Variants in SYNGR1 observed in about 807,000 individuals in gnomAD.
SYNGR1 encodes the protein synaptogyrin 1.
Under a neutral mutation model 26.1 loss-of-function variants are expected in SYNGR1, and 14 were observed. The ratio of observed to expected loss-of-function variants is 0.54; its 90% CI spans 0.35 to 0.84. The LOEUF is 0.84. Among genes scored for constraint, SYNGR1 ranks in the 40% least tolerant of loss-of-function variants. The probability of loss-of-function intolerance (pLI) is 0.01; values close to 1 mark genes in which losing one functional copy is unlikely to be tolerated. For synonymous variants in SYNGR1, 141 were observed against 150.1 expected (o/e 0.94, Z 0.44); for missense variants, 319 against 332.9 (o/e 0.96, Z 0.33).
At chr22:39,377,540 C>T (rs1062696) in intron 3 of SYNGR1, 2 of 1,593,044 alleles carry the variant, frequency 1.3e-6, no homozygotes, top group Non-Finnish European at 1.7e-6. Context: ...AGCCAGCCTC[C>T]CTCCTGGCAC....
At chr22:39,361,991 G>C (rs1198308009) in intron 1 of SYNGR1, among the ~76,000 whole-genome samples, 2 of 149,434 alleles carry the variant, frequency 1.3e-5, no homozygotes, top group Admixed American at 6.7e-5. Flanking sequence ...GCCCTCTCTG[G>C]GTCTTTGTTT....
intron 3 of SYNGR1, chr22:39,377,995 A>G (rs1925362795): frequency 8.1e-7 from 1 of 1,230,402 alleles, no homozygotes; most frequent in Non-Finnish European, 1.0e-6. Flanking sequence ...AAACACATCA[A>G]TATCTCTTCC....
At chr22:39,377,044 C>A (rs1397543436) in intron 3 of SYNGR1, 5 of 1,550,896 alleles carry the variant, frequency 3.2e-6, no homozygotes, top group Middle Eastern at 1.7e-4. Context: ...CTCCATAGCC[C>A]CATCCCAAGA....
Position 39,350,839 on chromosome 22 carries a change from A to T in SYNGR1, c.99+730A>T, listed in dbSNP as rs574956920. Among the ~76,000 whole-genome samples the T allele has an allele frequency of 2.2e-4, 33 of 152,248 alleles. No individual in the cohort carries two copies. The highest frequency in any genetic ancestry group is 7.9e-4 in the African/African-American group (33 of 41,540). On this transcript the variant is annotated intron_variant, in intron 1 of 3. Transcript: ENST00000328933. This position sits in a 1 kb window ranked among gnomAD's most constrained non-coding sequence, Gnocchi z 4.3. ...CCCCCTTGGGCTCTGACATTTCATG[A>T]ACCGGTAACACCCCTCCCACTCAGC...
chr22:39,372,430 G>GC (rs1925069156), intron 1 of SYNGR1, among the ~76,000 whole-genome samples: 1 of 118,184 alleles, frequency 8.5e-6, no homozygotes, highest in African/African-American at 3.3e-5. Context: ...CATGCACCAC[G>GC]CCCAGCTCTT....
At chr22:39,374,101 G>T (rs920783598) in intron 1 of SYNGR1, among the ~76,000 whole-genome samples, 1 of 152,166 alleles carries the variant, frequency 6.6e-6, no homozygotes, top group African/African-American at 2.4e-5. Flanking sequence ...AGTGCCTGTG[G>T]CTGAGGAAGG....
Position 39,350,010 on chromosome 22 carries a change from G to A in SYNGR1, c.-1G>A, listed in dbSNP as rs1303792984. 1.6e-6 allele frequency: 2 copies of A among 1,289,990 alleles called. No homozygotes were observed. Among genetic ancestry groups the A allele is most frequent in the South Asian group, 3.6e-5 (2 of 55,636 alleles). 79.9% of individuals were successfully genotyped at this position (1,289,990 alleles called of 1,614,324 possible). ...GGGGGCACCGCGCGGGTGCAGCCACGATGGAAGGGGGTGCGTACGGAGCGG... is the reference window on the plus strand; with the variant it reads ...GGGGGCACCGCGCGGGTGCAGCCACAATGGAAGGGGGTGCGTACGGAGCGG... On this transcript the variant is annotated 5_prime_UTR_variant, in exon 1 of 4. Coordinates refer to ENST00000328933, the MANE Select transcript of SYNGR1 (RefSeq NM_004711.5). This position sits in a 1 kb window ranked among gnomAD's most constrained non-coding sequence, Gnocchi z 4.3.
rs1050440382 is a variant in SYNGR1, at chr22:39,352,999, C to T, written c.99+2890C>T. On this transcript the variant is annotated intron_variant, in intron 1 of 3. Transcript: ENST00000328933. ...GCCTCGGCCTCCCAAGTAGCTGGGA[C>T]TACAGGCACACACCACCACGCCCAG... Among the ~76,000 whole-genome samples the T allele has an allele frequency of 5.3e-5, 8 of 151,966 alleles. No individual in the cohort carries two copies. In the East Asian group the frequency reaches 9.6e-4, roughly 18 times the overall value.
At chr22:39,362,465 C>T (rs528363384) in intron 1 of SYNGR1, among the ~76,000 whole-genome samples, 1 of 152,176 alleles carries the variant, frequency 6.6e-6, no homozygotes, top group South Asian at 2.1e-4. Context: ...CCCACCTTTT[C>T]CCCAGAGTGA....
intron 3 of SYNGR1, chr22:39,377,522 C>T (rs1448785214): frequency 1.9e-6 from 3 of 1,573,108 alleles, no homozygotes; most frequent in African/African-American, 2.7e-5. Context: ...GCCTGCCCGG[C>T]CCCCTGAAGC....
intron 1 of SYNGR1, among the ~76,000 whole-genome samples, chr22:39,351,498 T>C (rs1377671339): frequency 6.6e-6 from 1 of 152,240 alleles, no homozygotes. Context: ...AATTCATTTA[T>C]CTGTGCCAGT....
intron 1 of SYNGR1, among the ~76,000 whole-genome samples, chr22:39,359,215 C>T (rs909511909): frequency 6.6e-5 from 10 of 151,938 alleles, no homozygotes; most frequent in Non-Finnish European, 1.5e-4. Flanking sequence ...CCTTCTGGTT[C>T]CTGAGGCCAC....
chr22:39,373,573 C>T (rs1429119267), intron 1 of SYNGR1, among the ~76,000 whole-genome samples: 1 of 152,182 alleles, frequency 6.6e-6, no homozygotes, highest in East Asian at 1.9e-4. Context: ...ACCTCCACCT[C>T]CTGGGCTCAA....
Position 39,350,161 on chromosome 22 carries a change from A to G in SYNGR1, c.99+52A>G, listed in dbSNP as rs1923831152. 1 of 1,297,696 alleles carries G rather than the reference A, an allele frequency of 7.7e-7. No individual in the cohort carries two copies. Among genetic ancestry groups the G allele is most frequent in the Non-Finnish European group, 1.0e-6 (1 of 994,902 alleles). 80.4% of individuals were successfully genotyped at this position (1,297,696 alleles called of 1,614,324 possible). ...GCCAGGCCGGGGTGGTGGGGGTGTG[A>G]GCAAAGGCGGCGCGCCCGGACCGAC... On this transcript the variant is annotated intron_variant, in intron 1 of 3. Transcript: ENST00000328933. This position sits in a 1 kb window ranked among gnomAD's most constrained non-coding sequence, Gnocchi z 4.3.
intron 1 of SYNGR1, among the ~76,000 whole-genome samples, chr22:39,366,317 C>A (rs894494111): frequency 1.3e-5 from 2 of 151,612 alleles, no homozygotes; most frequent in African/African-American, 4.8e-5. Context: ...CTCCCTACGT[C>A]GGCTGTGTCT....
At chr22:39,364,102 G>C in intron 1 of SYNGR1, 1 of 1,602,374 alleles carries the variant, frequency 6.2e-7, no homozygotes, top group Non-Finnish European at 8.5e-7. Flanking sequence ...GTCTGCAGAG[G>C]GGAGATACCA....
rs947636146 is a variant in SYNGR1 at position 39,373,159 on chromosome 22, A to G, written c.100-1157A>G. Among the ~76,000 whole-genome samples, 1,126 of 151,498 alleles carry G rather than the reference A, an allele frequency of 7.4e-3. 21 individuals carry two copies. The highest frequency in any genetic ancestry group is 0.026 in the African/African-American group (1,066 of 41,172). ...TTAATACACACACACACACACACAC[A>G]CACACACATAGATAGATTTTTTTTT... On this transcript the variant is annotated intron_variant, in intron 1 of 3. Coordinates refer to ENST00000328933, the MANE Select transcript of SYNGR1 (RefSeq NM_004711.5).
chr22:39,374,741 C>A, intron 2 of SYNGR1, 188 bp downstream of exon 2: 1 of 649,472 alleles, frequency 1.5e-6, no homozygotes, highest in East Asian at 2.7e-5. Flanking sequence ...CCTGGGACCC[C>A]AAAATAACCC....
At chr22:39,363,712 GGAGGAGGCTGGA>G (rs1924598214) in intron 1 of SYNGR1, among the ~76,000 whole-genome samples, 1 of 152,122 alleles carries the variant, frequency 6.6e-6, no homozygotes, top group Non-Finnish European at 1.5e-5. Context: ...GGGACTGCCT[GGAGGAGGCTGGA>G]GAGGAGGCTG....
Sources: gnomAD v4.1 joint callset for allele counts (sites outside exome capture counted in the v4.1 genomes callset) on GRCh38, gnomAD v4.1.1 for gene constraint, Gnocchi (gnomAD v3.1) non-coding constraint, MANE v1.5 for transcripts, NCBI Gene and HGNC (gene_info 2026-07-23, HGNC 2026-07-21) for gene names.